Variants in PTPRD observed in about 807,000 individuals in gnomAD.
PTPRD encodes protein tyrosine phosphatase receptor type D.
Under a neutral mutation model 214.5 loss-of-function variants are expected in PTPRD, and 34 were observed. The observed-to-expected ratio is 0.16, with a 90% CI of 0.12 to 0.21. The LOEUF is 0.21. Ranked by LOEUF, PTPRD falls within the 10% of genes least tolerant of loss-of-function variation. PTPRD has a pLI of 1.00. For synonymous variants in PTPRD, 1,128 were observed against 845.7 expected (o/e 1.33, Z -5.79); for missense variants, 2,545 against 2,398.7 (o/e 1.06, Z -1.27).
intron 11 of PTPRD, among the ~76,000 whole-genome samples, chr9:8,928,966 G>T (rs2098924786): frequency 1.3e-5 from 2 of 152,266 alleles, no homozygotes; most frequent in South Asian, 2.1e-4. Context: ...GTGAATGAGA[G>T]TTCACTCATG....
chr9:8,517,838 C>T lies in PTPRD; in HGVS notation c.1543+10G>A, dbSNP rs113643326. 553 of 1,606,766 alleles carry T rather than the reference C, an allele frequency of 3.4e-4. 3 individuals carry two copies. In the African/African-American group the frequency reaches 6.4e-3, roughly 18 times the overall value. The stretch of plus-strand genomic sequence containing the variant: ...CCTCCTGCCCTATTTCCCTCCTCAA[C>T]CAAACTTACCTCCTGTCTGAGTGAT... On this transcript the variant is annotated intron_variant, in intron 21 of 45. Coordinates refer to ENST00000381196, the MANE Select transcript of PTPRD (RefSeq NM_002839.4).
chr9:8,458,633 G>A (rs1406882350), intron 33 of PTPRD, among the ~76,000 whole-genome samples: 1 of 152,036 alleles, frequency 6.6e-6, no homozygotes, highest in Admixed American at 6.6e-5. Context: ...AGACAGCAAA[G>A]GACACCAGCT....
chr9:9,278,588 C>G lies in PTPRD; in HGVS notation c.-202-95225G>C, dbSNP rs1946509166. Reference sequence around the variant, plus strand: ...GAGCCTGGCTGTAGAATAAGTAGGACCTCACTCTGAGTAGAGAGGTGATAC... The same window carrying G: ...GAGCCTGGCTGTAGAATAAGTAGGAGCTCACTCTGAGTAGAGAGGTGATAC... On this transcript the variant is annotated intron_variant, in intron 9 of 45. Transcript: ENST00000381196. Among the ~76,000 whole-genome samples, 3 of 151,214 alleles carry G rather than the reference C, an allele frequency of 2.0e-5. No individual in the cohort carries two copies. The Admixed American group carries it at 2.0e-4, about 10-fold the overall frequency.
intron 9 of PTPRD, among the ~76,000 whole-genome samples, chr9:9,201,093 T>A (rs189360853): frequency 4.7e-4 from 71 of 152,276 alleles, no homozygotes; most frequent in African/African-American, 1.6e-3. Context: ...AATCTTATCA[T>A]GAAAAGTGGT....
intron 14 of PTPRD, among the ~76,000 whole-genome samples, chr9:8,630,160 A>G (rs1280112743): frequency 6.6e-6 from 1 of 151,850 alleles, no homozygotes; most frequent in Admixed American, 6.6e-5. Context: ...TCAGTAAAGC[A>G]GGGAGAAAGT....
intron 8 of PTPRD, among the ~76,000 whole-genome samples, chr9:9,564,898 T>G (rs971167133): frequency 3.6e-5 from 5 of 140,626 alleles, no homozygotes; most frequent in African/African-American, 1.3e-4. Context: ...TTTTTTTTTT[T>G]TTTTTTTTTT....
At chr9:10,486,786 G>T (rs1305155512) in intron 2 of PTPRD, among the ~76,000 whole-genome samples, 1 of 152,164 alleles carries the variant, frequency 6.6e-6, no homozygotes, top group Non-Finnish European at 1.5e-5. Flanking sequence ...TGAAGCCATT[G>T]GTTAAAATGA....
chr9:8,388,379 A>C (rs1235064883), intron 37 of PTPRD, among the ~76,000 whole-genome samples: 2 of 152,144 alleles, frequency 1.3e-5, no homozygotes, highest in Non-Finnish European at 2.9e-5. Context: ...TGTGGTTTCA[A>C]ATTCTGTCTT....
Position 9,518,628 on chromosome 9 carries a change from C to T in PTPRD, c.-237+56104G>A, listed in dbSNP as rs115830442. Among the ~76,000 whole-genome samples the T allele has an allele frequency of 2.7e-3, 403 of 152,038 alleles. 1 individual carries two copies. Among genetic ancestry groups the T allele is most frequent in the African/African-American group, 9.2e-3 (383 of 41,524 alleles). ...GGAGGAATAGCAAAAACCTGGGACC[C>T]GAAAGGGCATTAAATATTTTCCTCA... On this transcript the variant is annotated intron_variant, in intron 8 of 45. Transcript: ENST00000381196.
chr9:10,587,714 A>G (rs1340860962), intron 2 of PTPRD, among the ~76,000 whole-genome samples: 5 of 152,088 alleles, frequency 3.3e-5, no homozygotes, highest in African/African-American at 7.2e-5. Context: ...GACTAAATTC[A>G]TATATAACAT....
chr9:10,447,411 G>T (rs1349476956), intron 2 of PTPRD, among the ~76,000 whole-genome samples: 1 of 151,854 alleles, frequency 6.6e-6, no homozygotes, highest in Non-Finnish European at 1.5e-5. Context: ...AATATTCTCA[G>T]CTTTTCACAT....
chr9:9,642,585 TC>T (rs899663591), intron 7 of PTPRD, among the ~76,000 whole-genome samples: 4 of 152,000 alleles, frequency 2.6e-5, no homozygotes, highest in African/African-American at 9.7e-5. Context: ...GCTCTCTCCC[TC>T]CCCAATTCAT....
chr9:10,321,464 C>A (rs1193913089), intron 3 of PTPRD, among the ~76,000 whole-genome samples: 1 of 151,854 alleles, frequency 6.6e-6, no homozygotes, highest in Non-Finnish European at 1.5e-5. Flanking sequence ...AACAGAGAAG[C>A]TTAATATGGT....
At chr9:10,082,182 G>A (rs2098249883) in intron 3 of PTPRD, among the ~76,000 whole-genome samples, 1 of 151,982 alleles carries the variant, frequency 6.6e-6, no homozygotes, top group South Asian at 2.1e-4. Flanking sequence ...CTACTTTCCT[G>A]GAATCAATTA....
At chr9:9,766,436 G>A (rs897376181) in intron 6 of PTPRD, among the ~76,000 whole-genome samples, 1 of 152,020 alleles carries the variant, frequency 6.6e-6, no homozygotes, top group African/African-American at 2.4e-5. Context: ...ATACTTTTAG[G>A]TAGTTCTTGC....
At chr9:9,012,388 C>T (rs968659147) in intron 11 of PTPRD, among the ~76,000 whole-genome samples, 2 of 152,138 alleles carry the variant, frequency 1.3e-5, no homozygotes, top group African/African-American at 4.8e-5. Flanking sequence ...CACTAACAAA[C>T]CTGCCCAATA....
chr9:8,997,954 G>C (rs901926421), intron 11 of PTPRD, among the ~76,000 whole-genome samples: 1 of 152,030 alleles, frequency 6.6e-6, no homozygotes, highest in Admixed American at 6.6e-5. Context: ...CCAGACCACA[G>C]CCCTAACTCT....
chr9:8,933,340 G>GTTTTTTTTTTTT (rs71317383), intron 11 of PTPRD, among the ~76,000 whole-genome samples: 948 of 80,220 alleles, frequency 0.012, 117 homozygotes, highest in Admixed American at 0.031. Context: ...CAACCTTGAG[G>GTTTTTTTTTTTT]TTTTTTTTTT....
At chr9:8,384,312 T>C (rs905754989) in intron 37 of PTPRD, among the ~76,000 whole-genome samples, 4 of 152,098 alleles carry the variant, frequency 2.6e-5, no homozygotes, top group Non-Finnish European at 5.9e-5. Flanking sequence ...TGGAAACAAT[T>C]AGAAACCACA....
Sources: allele counts gnomAD v4.1 joint callset (sites outside exome capture counted in the v4.1 genomes callset), GRCh38; gene constraint gnomAD v4.1.1; transcripts MANE v1.5; gene names NCBI Gene and HGNC (gene_info 2026-07-23, HGNC 2026-07-21).